TBC1D22A: variants seen among roughly 807,000 people sequenced by gnomAD.
TBC1D22A encodes TBC1 domain family member 22A.
TBC1D22A carries 38 observed loss-of-function variants against 60.2 expected under a neutral mutation model. The observed-to-expected ratio is 0.63, with a 90% confidence interval of 0.49 to 0.83. The LOEUF (loss-of-function observed/expected upper bound fraction) is 0.83. Among genes scored for constraint, TBC1D22A ranks in the 40% least tolerant of loss-of-function variants. The probability of loss-of-function intolerance (pLI) is 0.00; values close to 1 mark genes in which losing one functional copy is unlikely to be tolerated. For synonymous variants in TBC1D22A, 302 were observed against 281.7 expected (o/e 1.07, Z -0.72); for missense variants, 628 against 701.0 (o/e 0.90, Z 1.18).
intron 4 of TBC1D22A, among the ~76,000 whole-genome samples, chr22:46,849,779 C>T (rs1602142023): frequency 6.6e-6 from 1 of 152,190 alleles, no homozygotes; most frequent in Non-Finnish European, 1.5e-5. Flanking sequence ...TCAGCTCTGC[C>T]GTGCTCCGTG....
chr22:47,091,327 G>C (rs1258981477), intron 11 of TBC1D22A, among the ~76,000 whole-genome samples: 7 of 106,826 alleles, frequency 6.6e-5, no homozygotes, highest in Non-Finnish European at 1.8e-5. Context: ...TGTTGATAGA[G>C]ACAGGCACTA....
intron 11 of TBC1D22A, among the ~76,000 whole-genome samples, chr22:47,072,198 G>C (rs903208863): frequency 3.9e-5 from 6 of 152,232 alleles, no homozygotes; most frequent in Non-Finnish European, 7.3e-5. Flanking sequence ...GCAGAGCCTG[G>C]AGAGGCTGCC....
chr22:47,065,274 C>T (rs776688688), intron 11 of TBC1D22A, among the ~76,000 whole-genome samples: 1 of 152,240 alleles, frequency 6.6e-6, no homozygotes, highest in African/African-American at 2.4e-5. Flanking sequence ...GGGATGCAAG[C>T]GTGAGCCACC....
At chr22:46,846,525 A>G (rs1188003931) in intron 4 of TBC1D22A, among the ~76,000 whole-genome samples, 1 of 151,454 alleles carries the variant, frequency 6.6e-6, no homozygotes, top group Admixed American at 6.5e-5. Context: ...CAATGGGAAT[A>G]TCATCAATCA....
intron 8 of TBC1D22A, among the ~76,000 whole-genome samples, chr22:46,945,089 A>G (rs1298655904): frequency 1.3e-5 from 2 of 152,238 alleles, no homozygotes; most frequent in Non-Finnish European, 2.9e-5. Flanking sequence ...TAGTTTGGTC[A>G]TGACCTTAGT....
intron 9 of TBC1D22A, among the ~76,000 whole-genome samples, chr22:46,976,508 GT>G (rs1176913494): frequency 2.6e-5 from 4 of 152,192 alleles, no homozygotes; most frequent in African/African-American, 9.7e-5. Context: ...CACTGCCGCT[GT>G]TTTAAGTTCA....
chr22:46,797,664 C>A (rs971244256), intron 4 of TBC1D22A, 44 bp downstream of exon 4: 5 of 1,532,042 alleles, frequency 3.3e-6, no homozygotes, highest in Non-Finnish European at 3.5e-6. Context: ...ACATTTCTTG[C>A]TGTTTCTGAA....
chr22:46,885,986 C>T (rs2068093673), intron 5 of TBC1D22A, among the ~76,000 whole-genome samples: 1 of 150,564 alleles, frequency 6.6e-6, no homozygotes, highest in Admixed American at 6.6e-5. Context: ...TGGCTCACTG[C>T]ACGCTCCGCC....
At chr22:46,958,772 C>A (rs1292623302) in intron 8 of TBC1D22A, among the ~76,000 whole-genome samples, 4 of 152,206 alleles carry the variant, frequency 2.6e-5, no homozygotes, top group Non-Finnish European at 5.9e-5. Context: ...TACCCGTAGA[C>A]TTACTGGATT....
chr22:46,899,425 T>A (rs777232224), intron 7 of TBC1D22A, among the ~76,000 whole-genome samples: 86 of 150,984 alleles, frequency 5.7e-4, no homozygotes, highest in Admixed American at 2.8e-3. Flanking sequence ...CCAGCCTGGG[T>A]GACAGAGCAA....
At chr22:47,169,846 G>C (rs1252162173) in intron 12 of TBC1D22A, among the ~76,000 whole-genome samples, 1 of 152,226 alleles carries the variant, frequency 6.6e-6, no homozygotes, top group Non-Finnish European at 1.5e-5. Flanking sequence ...GAATGAAAAT[G>C]CAAGTGCCGT....
At chr22:47,134,515 C>T (rs929351752) in intron 12 of TBC1D22A, among the ~76,000 whole-genome samples, 6 of 152,218 alleles carry the variant, frequency 3.9e-5, no homozygotes, top group African/African-American at 7.2e-5. Context: ...TGACAGGCAG[C>T]GAAACTTGGA....
chr22:46,803,420 G>A (rs1313431424), intron 4 of TBC1D22A, among the ~76,000 whole-genome samples: 1 of 152,138 alleles, frequency 6.6e-6, no homozygotes, highest in East Asian at 1.9e-4. Context: ...CTCTCCTGTG[G>A]GCCTTGTTGG....
intron 11 of TBC1D22A, among the ~76,000 whole-genome samples, chr22:47,062,373 A>C (rs1603215159): frequency 1.3e-5 from 2 of 152,068 alleles, no homozygotes; most frequent in African/African-American, 4.8e-5. Context: ...GTGAGGGAGG[A>C]TGAGGGCTGG....
chr22:47,162,434 T>C (rs893204260), intron 12 of TBC1D22A, among the ~76,000 whole-genome samples: 1 of 152,168 alleles, frequency 6.6e-6, no homozygotes, highest in African/African-American at 2.4e-5. Flanking sequence ...GAGACGACTC[T>C]CACTTCTCCA....
intron 8 of TBC1D22A, chr22:46,913,678 G>A (rs2070130795): frequency 1.0e-6 from 1 of 985,286 alleles, no homozygotes; most frequent in Non-Finnish European, 1.2e-6. Context: ...TCTGTCAGTA[G>A]ACTTCAGAGT....
chr22:46,996,732 T>C (rs2075134219), intron 9 of TBC1D22A, among the ~76,000 whole-genome samples: 1 of 152,210 alleles, frequency 6.6e-6, no homozygotes, highest in Admixed American at 6.5e-5. Flanking sequence ...CCTTCCCTTG[T>C]TGATGGGAGC....
At chr22:47,069,907 C>CCGGCTGTTCCCTGTTGTTTGGTTGG (rs2063911147) in intron 11 of TBC1D22A, among the ~76,000 whole-genome samples, 1 of 136,146 alleles carries the variant, frequency 7.3e-6, no homozygotes, top group Admixed American at 7.4e-5. Flanking sequence ...TTGACGGTTC[C>CCGGCTGTTCCCTGTTGTTTGGTTGG]AGCGCTGTCC....
intron 4 of TBC1D22A, among the ~76,000 whole-genome samples, chr22:46,854,298 T>C (rs2087451595): frequency 6.6e-6 from 1 of 152,162 alleles, no homozygotes; most frequent in African/African-American, 2.4e-5. Context: ...GGAACTGCTC[T>C]CCAGGATGAC....
Sources: allele counts gnomAD v4.1 joint callset (sites outside exome capture counted in the v4.1 genomes callset), GRCh38; gene constraint gnomAD v4.1.1; transcripts MANE v1.5; gene names NCBI Gene and HGNC (gene_info 2026-07-23, HGNC 2026-07-21).